Variants in ZNF682 observed in about 807,000 individuals in gnomAD.
The protein encoded by ZNF682 is zinc finger protein 682.
Under a neutral mutation model 36.5 loss-of-function variants are expected in ZNF682, and 29 were observed. That is an observed-to-expected ratio of 0.80 (90% confidence interval 0.59 to 1.08). ZNF682 has a LOEUF of 1.08. Ranked by LOEUF, ZNF682 falls within the 50% of genes least tolerant of loss-of-function variation. ZNF682 has a pLI of 0.00. For missense variants in ZNF682, 561 were observed against 579.7 expected, an observed-to-expected ratio of 0.97 and a Z score of 0.33; for synonymous variants, 180 against 197.0, an observed-to-expected ratio of 0.91 and a Z score of 0.72.
rs760751301 is a variant in ZNF682, at chr19:20,006,995, T to C, written c.507A>G (p.Thr169=). The change falls in exon 4 of 4, where the codon ACA becomes ACG. Residue 169 remains threonine, a synonymous_variant. Transcript: ENST00000397165. ...NLNRENIRHT[T]EKLFKCMQCG... ...ATTGCATACATTTGAAAAGTTTCTC[T>C]GTAGTATGTCTTATGTTTTCTCTAT... is the stretch of plus-strand genomic sequence containing the variant. The C allele has an allele frequency of 1.2e-6, 2 of 1,612,912 alleles. No individual in the cohort carries two copies. Among genetic ancestry groups the C allele is most frequent in the South Asian group, 2.2e-5 (2 of 90,958 alleles).
Position 20,039,436 on chromosome 19 carries a change from G to A in ZNF682, c.-91C>T. 6.4e-7 allele frequency: 1 copy of A among 1,562,428 alleles called. No homozygotes were observed. The highest frequency in any genetic ancestry group is 8.7e-7 in the Non-Finnish European group (1 of 1,145,356). ...CAACAGAGGCTGCGACAGTCACCGG[G>A]AACTACTAGAGCAGAGGATACTAAG... On this transcript the variant is annotated 5_prime_UTR_variant, in exon 1 of 4. Transcript: ENST00000397165.
intron 3 of ZNF682, among the ~76,000 whole-genome samples, chr19:20,013,611 G>A (rs1011033563): frequency 6.6e-6 from 1 of 151,752 alleles, no homozygotes; most frequent in African/African-American, 2.4e-5. Context: ...ACTGAGTTTC[G>A]CTCTTGTTGC....
downstream of ZNF682, among the ~76,000 whole-genome samples, chr19:19,996,643 G>A (rs116898663): frequency 2.9e-3 from 436 of 152,218 alleles, 17 homozygotes; most frequent in East Asian, 0.068. Flanking sequence ...AGGATGCAAA[G>A]GCATAAGAAT....
At chr19:20,031,521 G>A (rs1470694658) in intron 1 of ZNF682, among the ~76,000 whole-genome samples, 1 of 152,196 alleles carries the variant, frequency 6.6e-6, no homozygotes, top group East Asian at 1.9e-4. Flanking sequence ...TGTCTCATGA[G>A]TCCCAGAAGC....
Position 20,006,014 on chromosome 19 carries a change from A to C in ZNF682, c.1488T>G (p.Leu496=). ...TCTTTAGTAAAAATTCTTACGTAGT[A>C]AGGTTTGAGCAGTGATTAAAAGCTT... ...CGEAFNHCSN[L]TT Residue 496 remains leucine (L), a synonymous_variant, in exon 4 of 4, where the codon CTT becomes CTG. Transcript: ENST00000397165. 6.4e-7 allele frequency: 1 copy of C among 1,574,440 alleles called. No individual in the cohort carries two copies. Among genetic ancestry groups the C allele is most frequent in the South Asian group, 1.2e-5 (1 of 85,324 alleles).
intron 3 of ZNF682, among the ~76,000 whole-genome samples, chr19:20,021,346 G>T (rs2088382170): frequency 6.6e-6 from 1 of 152,102 alleles, no homozygotes; most frequent in Non-Finnish European, 1.5e-5. Context: ...GAGGCCAGGG[G>T]TTTGAGACCA....
chr19:20,036,806 AAAAAAAAG>A lies in ZNF682; in HGVS notation c.3+2529_3+2536del, dbSNP rs1229727169. Among the ~76,000 whole-genome samples, 103 of 52,326 alleles carry A rather than the reference AAAAAAAAG, an allele frequency of 2.0e-3. 1 individual carries two copies. Among genetic ancestry groups the A allele is most frequent in the African/African-American group, 7.5e-3 (91 of 12,106 alleles). The allele number at this position is 52,326 out of a possible 152,430, so 34.3% of individuals were successfully genotyped here. ...ACATGGTGAGATGCTGTCTCTATAA[AAAAAAAAG>A]AAAAAAAAAAAAAAAAAAAAATTAG... On this transcript the variant is annotated intron_variant, in intron 1 of 3. Transcript: ENST00000397165.
intron 2 of ZNF682, among the ~76,000 whole-genome samples, chr19:20,023,430 A>G (rs2088405178): frequency 6.6e-6 from 1 of 152,036 alleles, no homozygotes; most frequent in Non-Finnish European, 1.5e-5. Context: ...CCGGAGGCAA[A>G]GATTACAGTG....
intron 3 of ZNF682, among the ~76,000 whole-genome samples, chr19:20,021,549 A>G (rs1293104970): frequency 1.3e-5 from 2 of 152,178 alleles, no homozygotes; most frequent in African/African-American, 4.8e-5. Context: ...GCATTCATTA[A>G]CTTAACTGTA....
chr19:20,019,368 C>G (rs2088364687), intron 3 of ZNF682, among the ~76,000 whole-genome samples: 1 of 152,090 alleles, frequency 6.6e-6, no homozygotes, highest in Non-Finnish European at 1.5e-5. Flanking sequence ...AATGGAATTA[C>G]TATATAATCC....
At chr19:20,033,217 G>A (rs2088495788) in intron 1 of ZNF682, among the ~76,000 whole-genome samples, 1 of 150,510 alleles carries the variant, frequency 6.6e-6, no homozygotes, top group South Asian at 2.1e-4. Context: ...AGGTTGCGGT[G>A]AGCCGAGATC....
chr19:20,024,351 G>C lies in ZNF682; in HGVS notation c.29C>G (p.Thr10Ser), dbSNP rs372727727. Residue 10 changes from threonine (T) to serine (S), a missense_variant, in exon 2 of 4, where the codon ACC becomes AGC. Coordinates refer to ENST00000397165, the MANE Select transcript of ZNF682 (RefSeq NM_033196.3). ...CCACTCCTCCAGAGAGAATTCTATG[G>C]TCACATCCCTGAATGTCAACAGTTC... MELLTFRDV[T>S]IEFSLEEWEF... The C allele has an allele frequency of 1.2e-6, 2 of 1,612,614 alleles. No homozygotes were observed. Among genetic ancestry groups the C allele is most frequent in the Admixed American group, 3.4e-5 (2 of 59,656 alleles).
rs1162981704 is a variant in ZNF682 at position 20,004,948 on chromosome 19, A to T, written c.*1057T>A. 1 of 152,244 alleles carries T rather than the reference A, an allele frequency of 6.6e-6. No individual in the cohort carries two copies. Among genetic ancestry groups the T allele is most frequent in the Non-Finnish European group, 1.5e-5 (1 of 68,042 alleles). 9.4% of individuals were successfully genotyped at this position (152,244 alleles called of 1,614,324 possible). ...ATTACTCTTTATAATCAATGCCCTG[A>T]TTTAGAATAACATTGAAAGTGTTAG... On this transcript the variant is annotated 3_prime_UTR_variant, in exon 4 of 4. Transcript: ENST00000397165.
At chr19:20,003,432 T>A (rs8103577), downstream of ZNF682, among the ~76,000 whole-genome samples, 6 of 151,890 alleles carry the variant, frequency 4.0e-5, no homozygotes, top group Admixed American at 2.0e-4. Context: ...TGGCCGGGCA[T>A]GGTGGCTCAT....
At chr19:20,022,250 G>C (rs1371150290) in intron 3 of ZNF682, among the ~76,000 whole-genome samples, 1 of 151,598 alleles carries the variant, frequency 6.6e-6, no homozygotes, top group Non-Finnish European at 1.5e-5. Flanking sequence ...CACCACATCT[G>C]TTTGTGGTGT....
At chr19:19,997,243 A>C (rs895104962) in exon 4 of ZNF682, 2 of 398,520 alleles carry the variant, frequency 5.0e-6, no homozygotes, top group African/African-American at 4.1e-5. Context: ...CTGGGGTCCT[A>C]CTGTCCAACT....
intron 3 of ZNF682, among the ~76,000 whole-genome samples, chr19:20,019,094 G>C (rs2088362383): frequency 6.6e-6 from 1 of 152,110 alleles, no homozygotes; most frequent in South Asian, 2.1e-4. Flanking sequence ...TAATTGAACT[G>C]ACATCTCTCC....
At chr19:20,015,482 A>C in intron 3 of ZNF682, 2 of 919,200 alleles carry the variant, frequency 2.2e-6, no homozygotes, top group Non-Finnish European at 2.6e-6. Flanking sequence ...AAAAACTAAA[A>C]AATATAATGA....
intron 1 of ZNF682, among the ~76,000 whole-genome samples, chr19:20,035,455 ACCTCGTGATC>A (rs2088520024): frequency 6.6e-6 from 1 of 151,950 alleles, no homozygotes; most frequent in South Asian, 2.1e-4. Flanking sequence ...CGAACTCCTG[ACCTCGTGATC>A]CACCCACCTC....
Sources: allele counts gnomAD v4.1 joint callset (sites outside exome capture counted in the v4.1 genomes callset), GRCh38; gene constraint gnomAD v4.1.1; transcripts MANE v1.5; gene names NCBI Gene and HGNC (gene_info 2026-07-23, HGNC 2026-07-21).